The following GYS1 variants were observed in gnomAD, a reference collection of about 807,000 sequenced individuals.
GYS1 encodes the protein glycogen synthase 1.
Under a neutral mutation model 89.1 loss-of-function variants are expected in GYS1, and 60 were observed. That is an observed-to-expected ratio of 0.67 (90% CI 0.55 to 0.84). The LOEUF (loss-of-function observed/expected upper bound fraction) is 0.84. GYS1 is among the 40% of genes least tolerant of loss of function. The pLI, the probability that GYS1 is intolerant of heterozygous loss-of-function variation, is 0.00. For missense variants in GYS1, 888 were observed against 1,003.1 expected (o/e 0.89, Z 1.55); for synonymous variants, 366 against 401.7 (o/e 0.91, Z 1.06).
In GYS1 at chr19:48,973,343, G is replaced by A. The variant is rs181339141; in HGVS notation, c.1549+870C>T. Among the ~76,000 whole-genome samples, 43 of 150,846 alleles carry A rather than the reference G, an allele frequency of 2.9e-4. 1 individual carries two copies. Among genetic ancestry groups the A allele is most frequent in the Admixed American group, 9.3e-4 (14 of 15,102 alleles). ...CAGTCTTGGATTTTTTTTTTATAGC[G>A]GTGTGAAAACAGACTAGTACTATCT... On this transcript the variant is annotated intron_variant, in intron 12 of 15. Coordinates refer to ENST00000323798, the MANE Select transcript of GYS1 (RefSeq NM_002103.5).
rs1292537325 is a variant in GYS1 at position 48,991,235 on chromosome 19, G to C, written c.300+67C>G. 6.5e-7 allele frequency: 1 copy of C among 1,545,896 alleles called. No homozygotes were observed. Among genetic ancestry groups the C allele is most frequent in the African/African-American group, 1.4e-5 (1 of 73,726 alleles). On this transcript the variant is annotated intron_variant, in intron 2 of 15. Coordinates refer to ENST00000323798, the MANE Select transcript of GYS1 (RefSeq NM_002103.5). The surrounding 1 kb of genome is among the most constrained non-coding windows in gnomAD (Gnocchi z 4.7). Reference sequence around the variant, plus strand: ...GGGCTGTCCACCCTGCACCCTCTCCGTCTGTGGCTCCCACCCCGATGGCAG... The same window carrying C: ...GGGCTGTCCACCCTGCACCCTCTCCCTCTGTGGCTCCCACCCCGATGGCAG...
chr19:48,977,461 C>T (rs979045723), intron 10 of GYS1, among the ~76,000 whole-genome samples: 1 of 151,988 alleles, frequency 6.6e-6, no homozygotes, highest in Non-Finnish European at 1.5e-5. Context: ...GGTGTGGTGG[C>T]ATGTGCCTGT....
intron 14 of GYS1, chr19:48,970,156 T>G (rs893277553): frequency 4.0e-6 from 2 of 494,466 alleles, no homozygotes; most frequent in African/African-American, 1.9e-5. Flanking sequence ...ACGGTCTTGT[T>G]CTGTTACTCT....
intron 8 of GYS1, among the ~76,000 whole-genome samples, chr19:48,980,439 AG>A (rs1203435602): frequency 3.9e-5 from 6 of 152,176 alleles, no homozygotes; most frequent in Admixed American, 3.3e-4. Flanking sequence ...AGGTCACTTG[AG>A]GTCAGGAGTT....
chr19:48,979,650 T>C (rs1439426302), intron 8 of GYS1, among the ~76,000 whole-genome samples: 101 of 54,756 alleles, frequency 1.8e-3, no homozygotes, highest in Middle Eastern at 0.015. Flanking sequence ...TTCTTTCTTT[T>C]TTTTTTTTTT....
At chr19:48,987,961 C>T (rs539761403) in intron 2 of GYS1, among the ~76,000 whole-genome samples, 5 of 152,242 alleles carry the variant, frequency 3.3e-5, no homozygotes, top group Admixed American at 3.3e-4. Flanking sequence ...CCACCACGCC[C>T]GGCTACTTTT....
intron 12 of GYS1, among the ~76,000 whole-genome samples, chr19:48,972,437 A>T (rs1455989847): frequency 6.7e-6 from 1 of 148,944 alleles, no homozygotes. Context: ...GCCTTCCAAG[A>T]TGCTAGGATT....
chr19:48,973,348 G>A (rs1416475180), intron 12 of GYS1, among the ~76,000 whole-genome samples: 2 of 151,366 alleles, frequency 1.3e-5, no homozygotes, highest in African/African-American at 4.9e-5. Context: ...ATAGCGGTGT[G>A]AAAACAGACT....
intron 10 of GYS1, among the ~76,000 whole-genome samples, chr19:48,977,336 TAA>T (rs2038671134): frequency 2.0e-5 from 3 of 152,174 alleles, no homozygotes; most frequent in African/African-American, 7.2e-5. Context: ...CTCACGCTTG[TAA>T]ACTCAGCACT....
Position 48,970,456 on chromosome 19 carries a change from A to G in GYS1, c.1809+90T>C, listed in dbSNP as rs1252198592. The G allele has an allele frequency of 3.7e-6, 4 of 1,071,814 alleles. No individual in the cohort carries two copies. In the African/African-American group the frequency reaches 4.7e-5, roughly 12 times the overall value. The allele number at this position is 1,071,814 out of a possible 1,614,324, so 66.4% of individuals were successfully genotyped here. A position where few individuals can be genotyped will look rare whatever the true frequency, so the allele number is the denominator to read the frequency against. On this transcript the variant is annotated intron_variant, in intron 14 of 15. Transcript: ENST00000323798. Reference sequence around the variant, plus strand: ...TGCTTAAAGGGACAGCAACTGTTACAAGTAGGATGAGACCCTGCACCCTGC... The same window carrying G: ...TGCTTAAAGGGACAGCAACTGTTACGAGTAGGATGAGACCCTGCACCCTGC...
At chr19:48,979,071 C>G (rs958449747) in intron 8 of GYS1, among the ~76,000 whole-genome samples, 12 of 152,098 alleles carry the variant, frequency 7.9e-5, no homozygotes, top group Admixed American at 2.0e-4. Flanking sequence ...GATGAGGACC[C>G]AATGATGTCA....
rs1323387907 is a variant in GYS1 at position 48,969,514 on chromosome 19, G to A, written c.1988C>T (p.Pro663Leu). The change falls in exon 16 of 16, where the codon CCC (proline) becomes CTC (leucine). Residue 663 changes from proline (P) to leucine (L), a missense_variant. Physicochemically the swap from Pro to Leu is moderately conservative, Grantham distance 98 (BLOSUM62 -3). Transcript: ENST00000323798. ...GTCTTCCTCCAGCGGCCCGTTCCGG[G>A]GATCCTCCTCGTCCTCACTCTGGTG... ...SPHQSEDEEDPRNGPLEEDGE... is the reference protein window; with the variant it reads ...SPHQSEDEEDLRNGPLEEDGE... 6.5e-7 allele frequency: 1 copy of A among 1,543,936 alleles called. No individual in the cohort carries two copies. Among genetic ancestry groups the A allele is most frequent in the Non-Finnish European group, 8.7e-7 (1 of 1,146,882 alleles).
In GYS1 at chr19:48,969,354, G is replaced by A; in HGVS notation, c.2148C>T (p.Ser716=). Residue 716 remains serine, a synonymous_variant, in exon 16 of 16, where the codon TCC becomes TCT. Transcript: ENST00000323798. ...GCTCGCTCGGGGTGCTGAGTGAGCT[G>A]GAGGTGGCCGTGTCCACAGAGTTGC... ...SKRNSVDTAT[S]SSLSTPSEPL... 3 of 1,585,208 alleles carry A rather than the reference G, an allele frequency of 1.9e-6. No homozygotes were observed. The highest frequency in any genetic ancestry group is 2.6e-6 in the Non-Finnish European group (3 of 1,171,130).
chr19:48,970,775 G>A, intron 13 of GYS1, 66 bp from the exon 14 acceptor site: 1 of 1,519,514 alleles, frequency 6.6e-7, no homozygotes, highest in Non-Finnish European at 9.1e-7. Context: ...CCAGGACTCT[G>A]TGGCACCAGG....
At chr19:48,973,984 T>C (rs1568617733) in intron 12 of GYS1, among the ~76,000 whole-genome samples, 1 of 151,716 alleles carries the variant, frequency 6.6e-6, no homozygotes, top group Non-Finnish European at 1.5e-5. Flanking sequence ...GAGAAAGCAG[T>C]GTGAACTGTG....
chr19:48,973,206 C>T (rs570501641), intron 12 of GYS1, among the ~76,000 whole-genome samples: 170 of 152,246 alleles, frequency 1.1e-3, no homozygotes, highest in Non-Finnish European at 2.1e-3. Context: ...TCCCTCCTGC[C>T]GCCATGAGAA....
chr19:48,982,823 TG>T lies in GYS1; in HGVS notation c.837del (p.Asn280MetfsTer3). ...LLKRKPDIVTPNGLNVKKFSA... is the reference protein window; with the variant it reads ...LLKRKPDIVTXNGLNVKKFSA... ...GAAAACTTCTTCACATTCAGCCCAT[TG>T]GGGGTCACAATATCTGGGATTGGGG... On this transcript the variant is annotated frameshift_variant, in exon 6 of 16. Transcript: ENST00000323798. LOFTEE classifies it high-confidence loss of function. The T allele has an allele frequency of 6.2e-7, 1 of 1,605,138 alleles. No individual in the cohort carries two copies. Among genetic ancestry groups the T allele is most frequent in the Non-Finnish European group, 8.5e-7 (1 of 1,171,808 alleles).
chr19:48,988,302 CTT>C (rs1168434376), intron 2 of GYS1, among the ~76,000 whole-genome samples: 1 of 152,148 alleles, frequency 6.6e-6, no homozygotes, highest in Non-Finnish European at 1.5e-5. Flanking sequence ...CTCCCACTGT[CTT>C]TTCTTTCTGA....
chr19:48,968,583 T>C lies in GYS1; in HGVS notation c.*705A>G. ...AAAGGGCCAGAAAGACAGGAAGGCA[T>C]CTGGACTGAGACTGTGTGTCCTCCA... On this transcript the variant is annotated 3_prime_UTR_variant, in exon 16 of 16. Coordinates refer to ENST00000323798, the MANE Select transcript of GYS1 (RefSeq NM_002103.5). The C allele has an allele frequency of 2.2e-6, 1 of 454,392 alleles. No individual in the cohort carries two copies. Among genetic ancestry groups the C allele is most frequent in the Non-Finnish European group, 4.4e-6 (1 of 226,770 alleles). 28.1% of individuals were successfully genotyped at this position (454,392 alleles called of 1,614,324 possible).
Sources: gnomAD v4.1 joint callset for allele counts (sites outside exome capture counted in the v4.1 genomes callset) on GRCh38, gnomAD v4.1.1 for gene constraint, Gnocchi (gnomAD v3.1) non-coding constraint, MANE v1.5 for transcripts, NCBI Gene and HGNC (gene_info 2026-07-23, HGNC 2026-07-21) for gene names.